The following LCOR variants were observed in gnomAD, a reference collection of about 807,000 sequenced individuals.
The protein encoded by LCOR is ligand dependent nuclear receptor corepressor.
In LCOR, 14 loss-of-function variants were observed where a neutral mutation model predicts 64.4. That is an observed-to-expected ratio of 0.22 (90% CI 0.14 to 0.34). The LOEUF is 0.34. LCOR is among the 10% of genes least tolerant of loss of function. LCOR has a pLI of 1.00. For missense variants in LCOR, 1,686 were observed against 1,765.3 expected (o/e 0.96, Z 0.80); for synonymous variants, 643 against 642.5 (o/e 1.00, Z -0.01).
chr10:96,967,725 C>A (rs953736703), intron 7 of LCOR, among the ~76,000 whole-genome samples: 1 of 152,132 alleles, frequency 6.6e-6, no homozygotes, highest in South Asian at 2.1e-4. Flanking sequence ...AAAAAAAGAT[C>A]TGGATATCAT....
chr10:96,843,261 G>C, intron 2 of LCOR, among the ~76,000 whole-genome samples: 1 of 152,128 alleles, frequency 6.6e-6, no homozygotes, highest in South Asian at 2.1e-4. Flanking sequence ...GAGTATCTGG[G>C]AATGCAGCAT....
chr10:96,968,971 A>G (rs555351954), intron 7 of LCOR, among the ~76,000 whole-genome samples: 24 of 152,192 alleles, frequency 1.6e-4, no homozygotes, highest in African/African-American at 5.8e-4. Flanking sequence ...TCACTTGCTT[A>G]TTACTACATG....
At chr10:96,857,421 G>T (rs1364685066) in intron 2 of LCOR, among the ~76,000 whole-genome samples, 1 of 152,140 alleles carries the variant, frequency 6.6e-6, no homozygotes, top group Non-Finnish European at 1.5e-5. Context: ...AATTGATGCT[G>T]CTATAAATTT....
chr10:96,951,751 G>A (rs981967277), intron 6 of LCOR, among the ~76,000 whole-genome samples: 1 of 152,088 alleles, frequency 6.6e-6, no homozygotes, highest in Non-Finnish European at 1.5e-5. Context: ...TGTATGCTTT[G>A]ATCAAGGAAA....
chr10:96,875,883 AACAC>A (rs1211752589), intron 2 of LCOR, among the ~76,000 whole-genome samples: 1 of 152,024 alleles, frequency 6.6e-6, no homozygotes, highest in Non-Finnish European at 1.5e-5. Context: ...AACAACAAAA[AACAC>A]ACATGGTCCA....
intron 2 of LCOR, among the ~76,000 whole-genome samples, chr10:96,851,133 T>C (rs1227319512): frequency 6.6e-6 from 1 of 152,234 alleles, no homozygotes. Flanking sequence ...CTTTTCTGAT[T>C]GGTTTCACAA....
At chr10:96,944,394 A>C (rs1208900347) in intron 5 of LCOR, 149 bp downstream of exon 5, 1 of 315,356 alleles carries the variant, frequency 3.2e-6, no homozygotes, top group Non-Finnish European at 4.6e-6. Flanking sequence ...GTCAAGTTCA[A>C]ATTGGAATTA....
intron 2 of LCOR, among the ~76,000 whole-genome samples, chr10:96,898,810 G>T (rs1022791500): frequency 1.3e-5 from 2 of 152,178 alleles, no homozygotes; most frequent in Non-Finnish European, 2.9e-5. Flanking sequence ...ACCTGCTATA[G>T]TGCTTGCCTG....
chr10:96,836,860 T>C (rs1202936941), intron 2 of LCOR, among the ~76,000 whole-genome samples: 4 of 152,240 alleles, frequency 2.6e-5, no homozygotes, highest in Non-Finnish European at 1.5e-5. Flanking sequence ...GATTTTCTAA[T>C]GCAGGTTAGA....
At position 96,982,320 on chromosome 10, in the gene LCOR, C is replaced by G; in HGVS notation, c.1860C>G (p.Leu620=). Residue 620 remains leucine, a synonymous_variant, in exon 8 of 8, where the codon CTC becomes CTG. Coordinates refer to ENST00000421806, the MANE Select transcript of LCOR (RefSeq NM_001346516.2). ...CAGCCTCCAGCCTGGTGTGGCCTCTCCCTGCTCACCTTCCTGAAGAGGACC... is the reference window on the plus strand; with the variant it reads ...CAGCCTCCAGCCTGGTGTGGCCTCTGCCTGCTCACCTTCCTGAAGAGGACC... ...ETTASSLVWP[L]PAHLPEEDLP... 1 of 1,614,216 alleles carries G rather than the reference C, an allele frequency of 6.2e-7. No homozygotes were observed. Among genetic ancestry groups the G allele is most frequent in the Non-Finnish European group, 8.5e-7 (1 of 1,180,034 alleles).
chr10:96,956,278 C>T, intron 7 of LCOR: 1 of 998,214 alleles, frequency 1.0e-6, no homozygotes, highest in East Asian at 1.0e-4. Context: ...TTTGTTTTTA[C>T]TTTTTAAAAA....
intron 2 of LCOR, among the ~76,000 whole-genome samples, chr10:96,893,049 T>A (rs1234300662): frequency 1.3e-5 from 2 of 152,218 alleles, no homozygotes; most frequent in African/African-American, 4.8e-5. Flanking sequence ...GTGTACCATT[T>A]TGATTCCCTT....
chr10:96,943,189 G>T (rs1007415230), intron 4 of LCOR, among the ~76,000 whole-genome samples: 2 of 152,244 alleles, frequency 1.3e-5, no homozygotes, highest in Middle Eastern at 3.4e-3. Context: ...TCCACCTCCT[G>T]GGTTCAAGCG....
chr10:96,896,577 C>T (rs1026325898), intron 2 of LCOR, among the ~76,000 whole-genome samples: 10 of 152,032 alleles, frequency 6.6e-5, no homozygotes, highest in Non-Finnish European at 1.2e-4. Context: ...GCACACACCA[C>T]GAAGCCTAGC....
rs773858085 is a variant in LCOR at position 96,984,993 on chromosome 10, G to A, written c.4533G>A (p.Thr1511=). 3.5e-5 allele frequency: 57 copies of A among 1,614,016 alleles called. No homozygotes were observed. Among genetic ancestry groups the A allele is most frequent in the Non-Finnish European group, 4.5e-5 (53 of 1,180,040 alleles). ...GESSSRPQKA[T]NRKQSSGKTR... ...CCTCTTCAAGGCCTCAGAAAGCCAC[G>A]AATAGGAAGCAGAGTAGTGGAAAGA... Residue 1511 remains threonine, a synonymous_variant, in exon 8 of 8, where the codon ACG becomes ACA. Coordinates refer to ENST00000421806, the MANE Select transcript of LCOR (RefSeq NM_001346516.2).
intron 4 of LCOR, among the ~76,000 whole-genome samples, chr10:96,916,968 G>A (rs938175876): frequency 6.6e-6 from 1 of 152,184 alleles, no homozygotes; most frequent in African/African-American, 2.4e-5. Flanking sequence ...AAATTAATAC[G>A]TGTTAATTAG....
At chr10:96,898,423 C>T (rs868251912) in intron 2 of LCOR, among the ~76,000 whole-genome samples, 3 of 152,160 alleles carry the variant, frequency 2.0e-5, no homozygotes, top group Non-Finnish European at 4.4e-5. Context: ...CTATAATGAT[C>T]ATGCATGGCA....
rs570784602 is a variant in LCOR, at chr10:96,846,076, G to C, written c.-330+12597G>C. Among the ~76,000 whole-genome samples, 3 of 152,036 alleles carry C rather than the reference G, an allele frequency of 2.0e-5. No homozygotes were observed. The East Asian group carries it at 5.9e-4, about 30-fold the overall frequency. On this transcript the variant is annotated intron_variant, in intron 2 of 7. Coordinates refer to ENST00000421806, the MANE Select transcript of LCOR (RefSeq NM_001346516.2). The stretch of plus-strand genomic sequence containing the variant: ...ACAAAAACTAGCTGGGCATGGTGGT[G>C]TACAGCTGTAATCTTGGCTACTCGG...
intron 2 of LCOR, among the ~76,000 whole-genome samples, chr10:96,873,990 A>C (rs1054315645): frequency 6.6e-5 from 10 of 152,160 alleles, no homozygotes; most frequent in Non-Finnish European, 1.3e-4. Context: ...TTGCTTGTGG[A>C]AAAGAGGACA....
Sources: allele counts gnomAD v4.1 joint callset (sites outside exome capture counted in the v4.1 genomes callset), GRCh38; gene constraint gnomAD v4.1.1; transcripts MANE v1.5; gene names NCBI Gene and HGNC (gene_info 2026-07-23, HGNC 2026-07-21).